Variants in TNIK observed in about 807,000 individuals in gnomAD.
The protein encoded by TNIK is TRAF2 and NCK interacting kinase.
TNIK carries 49 observed loss-of-function variants against 191.3 expected under a neutral mutation model. That is an observed-to-expected ratio of 0.26 (90% CI 0.20 to 0.32). TNIK has a LOEUF of 0.32. TNIK is among the 10% of genes least tolerant of loss of function. The pLI is 1.00. For synonymous variants in TNIK, 594 were observed against 600.9 expected (o/e 0.99, Z 0.17); for missense variants, 1,155 against 1,702.3 (o/e 0.68, Z 5.66).
chr3:171,282,338 TTTG>T (rs1350380667), intron 2 of TNIK, among the ~76,000 whole-genome samples: 2,906 of 85,156 alleles, frequency 0.034, 197 homozygotes, highest in African/African-American at 0.087. Flanking sequence ...TTAATGGTTT[TTTG>T]TTTTTTTTTT....
At chr3:171,264,958 T>G (rs1453288393) in intron 2 of TNIK, among the ~76,000 whole-genome samples, 1 of 152,180 alleles carries the variant, frequency 6.6e-6, no homozygotes, top group African/African-American at 2.4e-5. Flanking sequence ...GGCTGCTGTA[T>G]TAGGCCCAGT....
chr3:171,099,979 AT>A (rs1208180277), intron 22 of TNIK, among the ~76,000 whole-genome samples: 1 of 152,250 alleles, frequency 6.6e-6, no homozygotes, highest in Non-Finnish European at 1.5e-5. Flanking sequence ...CAACTAGCAT[AT>A]AAACTTTTGG....
Position 171,123,719 on chromosome 3 carries a change from T to C in TNIK, c.2014-17A>G. On this transcript the variant is annotated splice_polypyrimidine_tract_variant and intron_variant, in intron 17 of 32. Coordinates refer to ENST00000436636, the MANE Select transcript of TNIK (RefSeq NM_015028.4). ...TTGAGGCACCTGGAAGAAACCAGAATTCAGAAATATTTTCCATAAAGTAGC... is the reference window on the plus strand; with the variant it reads ...TTGAGGCACCTGGAAGAAACCAGAACTCAGAAATATTTTCCATAAAGTAGC... 1 of 1,543,876 alleles carries C rather than the reference T, an allele frequency of 6.5e-7. No individual in the cohort carries two copies. The highest frequency in any genetic ancestry group is 8.8e-7 in the Non-Finnish European group (1 of 1,142,580).
chr3:171,308,985 T>C (rs1238507404), intron 2 of TNIK, among the ~76,000 whole-genome samples: 1 of 152,180 alleles, frequency 6.6e-6, no homozygotes, highest in Non-Finnish European at 1.5e-5. Context: ...GGAAAGCAGT[T>C]CGGTGATTTC....
chr3:171,345,731 T>A (rs1276196283), intron 2 of TNIK, among the ~76,000 whole-genome samples: 2 of 152,194 alleles, frequency 1.3e-5, no homozygotes, highest in African/African-American at 4.8e-5. Flanking sequence ...TTCCCCTTCC[T>A]TATTCCTTAG....
At chr3:171,284,804 A>C (rs1016871224) in intron 2 of TNIK, among the ~76,000 whole-genome samples, 24 of 152,324 alleles carry the variant, frequency 1.6e-4, no homozygotes, top group Middle Eastern at 3.4e-3. Context: ...TACAGTAATA[A>C]GTAATTCTAA....
At chr3:171,069,604 A>AT (rs1233460474) in intron 29 of TNIK, among the ~76,000 whole-genome samples, 1 of 152,218 alleles carries the variant, frequency 6.6e-6, no homozygotes, top group Non-Finnish European at 1.5e-5. Context: ...GATGGCTTGC[A>AT]TTGACTATTT....
chr3:171,092,976 G>A (rs1343659866), intron 23 of TNIK, among the ~76,000 whole-genome samples: 1 of 152,194 alleles, frequency 6.6e-6, no homozygotes, highest in East Asian at 1.9e-4. Flanking sequence ...TTTATTGAAT[G>A]CTTAATTTAC....
At chr3:171,364,376 AATAGG>A (rs2108477932) in intron 2 of TNIK, among the ~76,000 whole-genome samples, 1 of 152,226 alleles carries the variant, frequency 6.6e-6, no homozygotes, top group African/African-American at 2.4e-5. Context: ...AAAAAAAAAA[AATAGG>A]TAGAGGATTT....
intron 1 of TNIK, among the ~76,000 whole-genome samples, chr3:171,371,077 T>C (rs1402163067): frequency 6.6e-6 from 1 of 152,030 alleles, no homozygotes; most frequent in African/African-American, 2.4e-5. Flanking sequence ...TGTCTGGGTC[T>C]GCAGGGATGA....
intron 1 of TNIK, among the ~76,000 whole-genome samples, chr3:171,370,702 G>T (rs13096700): frequency 0.44 from 66,611 of 151,598 alleles, 17,217 homozygotes; most frequent in Non-Finnish European, 0.58. Flanking sequence ...ATGGTAGGGT[G>T]GGGTGGGGTG....
At chr3:171,116,750 T>A (rs1560136377) in intron 18 of TNIK, among the ~76,000 whole-genome samples, 1 of 152,244 alleles carries the variant, frequency 6.6e-6, no homozygotes, top group Non-Finnish European at 1.5e-5. Flanking sequence ...TTTGATCAAA[T>A]TTTAATTTGC....
At chr3:171,310,871 C>T (rs1303800098) in intron 2 of TNIK, among the ~76,000 whole-genome samples, 1 of 152,118 alleles carries the variant, frequency 6.6e-6, no homozygotes, top group Non-Finnish European at 1.5e-5. Flanking sequence ...AGAATGGCTG[C>T]AACAAGCAAA....
At position 171,335,473 on chromosome 3, in the gene TNIK, C is replaced by T. The variant is rs540757502; in HGVS notation, c.123+34147G>A. ...CCTAGTTCATTGATCTGTTCTCCAT[C>T]CCTATAGTTTTGCCTTTTCTGAAAT... is the stretch of plus-strand genomic sequence containing the variant. On this transcript the variant is annotated intron_variant, in intron 2 of 32. Coordinates refer to ENST00000436636, the MANE Select transcript of TNIK (RefSeq NM_015028.4). Among the ~76,000 whole-genome samples the T allele has an allele frequency of 9.2e-5, 14 of 152,302 alleles. 1 individual carries two copies. In the South Asian group the frequency reaches 2.9e-3, roughly 32 times the overall value.
At chr3:171,335,638 G>A (rs1264175750) in intron 2 of TNIK, among the ~76,000 whole-genome samples, 2 of 152,154 alleles carry the variant, frequency 1.3e-5, no homozygotes, top group Non-Finnish European at 2.9e-5. Flanking sequence ...TCTGCTATAT[G>A]GATGTGGCAA....
At chr3:171,216,465 T>C (rs988641236) in intron 3 of TNIK, among the ~76,000 whole-genome samples, 3 of 152,184 alleles carry the variant, frequency 2.0e-5, no homozygotes, top group Non-Finnish European at 4.4e-5. Context: ...TGGAGAAAAA[T>C]CTGCATTTCC....
At chr3:171,241,070 G>C (rs1577221293) in intron 2 of TNIK, among the ~76,000 whole-genome samples, 1 of 138,566 alleles carries the variant, frequency 7.2e-6, no homozygotes, top group South Asian at 2.3e-4. Flanking sequence ...TGCTCTTGTT[G>C]CCCAGTTTGG....
intron 2 of TNIK, among the ~76,000 whole-genome samples, chr3:171,267,886 C>T (rs974181154): frequency 2.0e-5 from 3 of 152,168 alleles, no homozygotes; most frequent in Non-Finnish European, 4.4e-5. Flanking sequence ...TGTACTAGGA[C>T]CTACGGATTC....
Position 171,126,050 on chromosome 3 carries a change from A to G in TNIK, c.1875T>C (p.Ala625=). 2 of 1,613,774 alleles carry G rather than the reference A, an allele frequency of 1.2e-6. No homozygotes were observed. The highest frequency in any genetic ancestry group is 1.7e-6 in the Non-Finnish European group (2 of 1,179,788). ...CCACGCGGTGGGAGGTCACGTTCAG[A>G]GCCTCCTGAAACCCAGAGAGGCCCT... is the stretch of plus-strand genomic sequence containing the variant. The part of the protein sequence containing the change: ...PTKGLSGFQE[A]LNVTSHRVEM... Residue 625 remains alanine (A), a synonymous_variant, in exon 17 of 33, where the codon GCT becomes GCC. Transcript: ENST00000436636.
Sources: allele counts gnomAD v4.1 joint callset (sites outside exome capture counted in the v4.1 genomes callset), GRCh38; gene constraint gnomAD v4.1.1; transcripts MANE v1.5; gene names NCBI Gene and HGNC (gene_info 2026-07-23, HGNC 2026-07-21).